Variants in C5orf47 observed in about 807,000 individuals in gnomAD.
C5orf47 encodes the protein uncharacterized protein C5orf47.
In C5orf47, 20 loss-of-function variants were observed where a neutral mutation model predicts 20.6. The ratio of observed to expected loss-of-function variants is 0.97; its 90% CI spans 0.68 to 1.41. C5orf47 has a LOEUF of 1.41. C5orf47 is among the 40% of genes most tolerant of loss of function. The pLI is 0.00. For missense variants in C5orf47, 262 were observed against 238.4 expected (o/e 1.10, Z -0.65); for synonymous variants, 106 against 97.3 (o/e 1.09, Z -0.53).
chr5:173,993,522 T>G (rs1179879327), intron 1 of C5orf47, among the ~76,000 whole-genome samples: 1 of 152,142 alleles, frequency 6.6e-6, no homozygotes, highest in Non-Finnish European at 1.5e-5. Flanking sequence ...GCGCCTGCTG[T>G]AATCCCAGCT....
chr5:174,001,136 A>G, intron 3 of C5orf47, 60 bp from the exon 4 acceptor site: 1 of 1,069,834 alleles, frequency 9.3e-7, no homozygotes, highest in East Asian at 2.6e-5. Context: ...ATATTTATTA[A>G]TGGGAAAACC....
intron 1 of C5orf47, among the ~76,000 whole-genome samples, chr5:173,992,234 T>G (rs78251207): frequency 1.1e-5 from 1 of 87,966 alleles, no homozygotes; most frequent in Non-Finnish European, 2.0e-5. Context: ...TTTTGTTAAT[T>G]TTTTTTTTTT....
At position 174,005,110 on chromosome 5, in the gene C5orf47, A is replaced by G. The variant is rs1759266483; in HGVS notation, c.*856A>G. 6.6e-6 allele frequency: 1 copy of G among 152,210 alleles called. No individual in the cohort carries two copies. Among genetic ancestry groups the G allele is most frequent in the Non-Finnish European group, 1.5e-5 (1 of 68,034 alleles). 9.4% of individuals were successfully genotyped at this position (152,210 alleles called of 1,614,324 possible). A position where few individuals can be genotyped will look rare whatever the true frequency, so the allele number is the denominator to read the frequency against. ...ACGATCTCTCTTTCTAAATTGAATC[A>G]AAGACCTAGGTGGAACTGGAAACTT... is the stretch of plus-strand genomic sequence containing the variant. On this transcript the variant is annotated 3_prime_UTR_variant, in exon 5 of 5. Transcript: ENST00000340147.
chr5:174,008,695 G>A (rs1214242063), downstream of C5orf47, among the ~76,000 whole-genome samples: 1 of 151,838 alleles, frequency 6.6e-6, no homozygotes, highest in South Asian at 2.1e-4. Context: ...AGCCGGGCTC[G>A]GTGGCGGGCG....
intron 1 of C5orf47, among the ~76,000 whole-genome samples, chr5:173,992,747 C>T (rs114228286): frequency 0.014 from 2,185 of 152,158 alleles, 25 homozygotes; most frequent in Non-Finnish European, 0.021. Context: ...AAGTTTTCAG[C>T]GCATTTCTAA....
At chr5:173,992,107 T>C (rs1759007975) in intron 1 of C5orf47, among the ~76,000 whole-genome samples, 1 of 152,190 alleles carries the variant, frequency 6.6e-6, no homozygotes, top group Non-Finnish European at 1.5e-5. Flanking sequence ...AAGTAGTGTC[T>C]TATGATGTTT....
chr5:174,008,704 C>T (rs189550819), downstream of C5orf47, among the ~76,000 whole-genome samples: 270 of 151,282 alleles, frequency 1.8e-3, 1 homozygote, highest in African/African-American at 6.1e-3. Flanking sequence ...CGGTGGCGGG[C>T]GCCTGTAAGT....
intron 1 of C5orf47, among the ~76,000 whole-genome samples, chr5:173,996,707 CTG>C (rs1278146411): frequency 2.0e-5 from 3 of 152,142 alleles, no homozygotes; most frequent in Admixed American, 6.5e-5. Flanking sequence ...CAGTGGAAAA[CTG>C]TACCATTTGC....
rs562139566 is a variant in C5orf47 at position 173,998,239 on chromosome 5, G to T, written c.411+1G>T. 1.4e-6 allele frequency: 2 copies of T among 1,454,478 alleles called. No homozygotes were observed. The highest frequency in any genetic ancestry group is 2.5e-5 in the South Asian group (2 of 79,770). 90.1% of individuals were successfully genotyped at this position (1,454,478 alleles called of 1,614,324 possible). ...CAAAATAATGAAGAAAAAGAAAAAG[G>T]TATATTGCTGTAAAGGAGAATGAGC... is the stretch of plus-strand genomic sequence containing the variant. On this transcript the variant is annotated splice_donor_variant, in intron 2 of 4. Coordinates refer to ENST00000340147, the MANE Select transcript of C5orf47 (RefSeq NM_001144954.2). LOFTEE classifies it high-confidence loss of function.
chr5:174,003,798 T>G (rs1028175409), intron 4 of C5orf47, among the ~76,000 whole-genome samples: 1 of 151,952 alleles, frequency 6.6e-6, no homozygotes, highest in Non-Finnish European at 1.5e-5. Flanking sequence ...AATCAAGGGA[T>G]TGGGAGTTCA....
At chr5:173,999,913 A>G in intron 3 of C5orf47, 114 bp downstream of exon 3, 1 of 574,094 alleles carries the variant, frequency 1.7e-6, no homozygotes, top group Non-Finnish European at 3.1e-6. Flanking sequence ...AATATACAGA[A>G]CTATAGAAAT....
intron 1 of C5orf47, among the ~76,000 whole-genome samples, chr5:173,995,270 G>T (rs146080620): frequency 2.0e-5 from 3 of 152,308 alleles, no homozygotes; most frequent in East Asian, 3.9e-4. Context: ...GTCTGCTCTC[G>T]AGGGACTTAT....
At chr5:173,997,461 C>A (rs7724254) in intron 1 of C5orf47, among the ~76,000 whole-genome samples, 21,391 of 152,122 alleles carry the variant, frequency 0.14, 2,097 homozygotes, top group African/African-American at 0.28. Flanking sequence ...CTCTGGATAA[C>A]CCTTATTAGT....
intron 1 of C5orf47, among the ~76,000 whole-genome samples, chr5:173,991,115 A>T (rs2113356922): frequency 6.6e-6 from 1 of 152,276 alleles, no homozygotes; most frequent in Admixed American, 6.5e-5. Flanking sequence ...CATTTCGTAT[A>T]TGTTGAATCA....
At position 173,989,487 on chromosome 5, in the gene C5orf47, T is replaced by G; in HGVS notation, c.224T>G (p.Leu75Arg). The G allele has an allele frequency of 6.5e-7, 1 of 1,547,618 alleles. No individual in the cohort carries two copies. The highest frequency in any genetic ancestry group is 8.7e-7 in the Non-Finnish European group (1 of 1,145,654). Residue 75 changes from leucine to arginine, a missense_variant, in exon 1 of 5, where the codon CTC becomes CGC. Leu to Arg is a moderately radical substitution (Grantham distance 102, BLOSUM62 -2). Transcript: ENST00000340147. ...AGCGAGCTGCCCCTCGGTTCCCAGC[T>G]CAGGGTCCCCACGACCCCTGGTGTG... ...GGSELPLGSQ[L>R]RVPTTPGVEA...
rs80109226 is a variant in C5orf47 at position 173,997,083 on chromosome 5, C to G, written c.326-1070C>G. 9.1e-4 allele frequency among the ~76,000 whole-genome samples: 139 copies of G among 152,270 alleles called. 2 individuals carry two copies. In the East Asian group the frequency reaches 0.026, roughly 28 times the overall value. ...GGAATACTTATTGTATAGCTGATAT[C>G]TATAGAATTGGATACTGGATCTCTA... On this transcript the variant is annotated intron_variant, in intron 1 of 4. Transcript: ENST00000340147.
chr5:174,000,321 C>T (rs577769609), intron 3 of C5orf47, among the ~76,000 whole-genome samples: 1 of 152,116 alleles, frequency 6.6e-6, no homozygotes, highest in East Asian at 1.9e-4. Flanking sequence ...CTCTAAAGCA[C>T]TATTGAGTTG....
At chr5:174,009,098 G>A (rs929081596), downstream of C5orf47, among the ~76,000 whole-genome samples, 15 of 152,068 alleles carry the variant, frequency 9.9e-5, no homozygotes, top group Admixed American at 7.9e-4. Flanking sequence ...CATCCACTTC[G>A]GTTGCACTAG....
At chr5:173,994,104 G>A (rs185880070) in intron 1 of C5orf47, among the ~76,000 whole-genome samples, 1 of 152,188 alleles carries the variant, frequency 6.6e-6, no homozygotes, top group South Asian at 2.1e-4. Context: ...GAATGTGGTG[G>A]ATGAGGCAAA....
Sources: gnomAD v4.1 joint callset for allele counts (sites outside exome capture counted in the v4.1 genomes callset) on GRCh38, gnomAD v4.1.1 for gene constraint, MANE v1.5 for transcripts, NCBI Gene and HGNC (gene_info 2026-07-23, HGNC 2026-07-21) for gene names.